The following SOS1 variants were observed in gnomAD, a reference collection of about 807,000 sequenced individuals.
SOS1 encodes the protein SOS Ras/Rac guanine nucleotide exchange factor 1.
In SOS1, 25 loss-of-function variants were observed where a neutral mutation model predicts 157.6. The observed-to-expected ratio is 0.16, with a 90% CI of 0.12 to 0.22. The LOEUF (loss-of-function observed/expected upper bound fraction) is 0.22, where lower values mean the gene tolerates loss of function less well. SOS1 is among the 10% of genes least tolerant of loss of function. The pLI, the probability that SOS1 is intolerant of heterozygous loss-of-function variation, is 1.00. For synonymous variants in SOS1, 528 were observed against 534.0 expected, an observed-to-expected ratio of 0.99 and a Z score of 0.16; for missense variants, 1,237 against 1,599.1, an observed-to-expected ratio of 0.77 and a Z score of 3.86.
At chr2:39,098,318 T>G in intron 1 of SOS1, 2 of 254,110 alleles carry the variant, frequency 7.9e-6, no homozygotes. Flanking sequence ...CATCTACTGT[T>G]GCTTACAATA....
chr2:39,092,776 G>C (rs1026533108), intron 1 of SOS1, among the ~76,000 whole-genome samples: 18 of 152,146 alleles, frequency 1.2e-4, no homozygotes, highest in African/African-American at 4.3e-4. Flanking sequence ...CTGAAAGCGT[G>C]ATATGAAATA....
chr2:39,055,669 T>TGG (rs1239513725), intron 4 of SOS1, among the ~76,000 whole-genome samples: 1 of 152,156 alleles, frequency 6.6e-6, no homozygotes, highest in East Asian at 1.9e-4. Flanking sequence ...CAATCAGAAA[T>TGG]AATATTCCAA....
intron 1 of SOS1, among the ~76,000 whole-genome samples, chr2:39,103,778 G>GA (rs1363921872): frequency 6.6e-6 from 1 of 152,052 alleles, no homozygotes. Context: ...GACAATGAAA[G>GA]AAAAAACAGA....
intron 4 of SOS1, among the ~76,000 whole-genome samples, chr2:39,055,194 G>A (rs1671169518): frequency 6.6e-6 from 1 of 152,066 alleles, no homozygotes; most frequent in African/African-American, 2.4e-5. Context: ...ATATTTAAAT[G>A]TTTATAGCTG....
chr2:39,029,987 C>T (rs1009490351), intron 8 of SOS1, among the ~76,000 whole-genome samples: 4 of 150,512 alleles, frequency 2.7e-5, no homozygotes, highest in Middle Eastern at 3.5e-3. Context: ...GGCAACAGAG[C>T]GACGTCTCAT....
chr2:39,115,723 C>G (rs986595989), intron 1 of SOS1, among the ~76,000 whole-genome samples: 2 of 152,178 alleles, frequency 1.3e-5, no homozygotes, highest in Non-Finnish European at 2.9e-5. Context: ...CAGGTGTGAG[C>G]CACCACACCC....
chr2:39,122,089 C>T (rs566465024), upstream of SOS1, among the ~76,000 whole-genome samples: 29 of 152,162 alleles, frequency 1.9e-4, no homozygotes, highest in Admixed American at 4.6e-4. Context: ...CTTTACAGGA[C>T]CTCTTTGAAA....
intron 1 of SOS1, among the ~76,000 whole-genome samples, chr2:39,103,664 T>TA (rs1489968885): frequency 1.3e-5 from 2 of 152,096 alleles, no homozygotes; most frequent in African/African-American, 4.8e-5. Flanking sequence ...ATGACCTAAA[T>TA]ATAAGAGCTA....
intron 1 of SOS1, among the ~76,000 whole-genome samples, chr2:39,103,622 A>G (rs564683760): frequency 4.6e-5 from 7 of 152,322 alleles, no homozygotes; most frequent in African/African-American, 1.7e-4. Flanking sequence ...CCTAACTCAT[A>G]CCAAACACAA....
chr2:39,043,738 CT>C (rs1670656597), intron 6 of SOS1, among the ~76,000 whole-genome samples: 1 of 152,152 alleles, frequency 6.6e-6, no homozygotes, highest in Non-Finnish European at 1.5e-5. Flanking sequence ...AGGTCTCTTT[CT>C]CTTTTTATAA....
At chr2:39,000,796 A>C (rs1669069193) in intron 17 of SOS1, among the ~76,000 whole-genome samples, 1 of 152,250 alleles carries the variant, frequency 6.6e-6, no homozygotes, top group Non-Finnish European at 1.5e-5. Context: ...TGGGCATAAC[A>C]CATAGAGGCA....
At chr2:39,021,888 A>G (rs1669809374) in intron 10 of SOS1, among the ~76,000 whole-genome samples, 1 of 151,836 alleles carries the variant, frequency 6.6e-6, no homozygotes, top group South Asian at 2.1e-4. Flanking sequence ...TCGGCAGGTC[A>G]TACTACCGAA....
At chr2:39,124,744 G>A (rs1674014321), upstream of SOS1, among the ~76,000 whole-genome samples, 1 of 152,200 alleles carries the variant, frequency 6.6e-6, no homozygotes, top group Admixed American at 6.5e-5. Flanking sequence ...TTGCACAATC[G>A]GACCGCTACT....
chr2:39,091,066 A>C (rs2148187859), intron 1 of SOS1, among the ~76,000 whole-genome samples: 1 of 152,222 alleles, frequency 6.6e-6, no homozygotes, highest in Non-Finnish European at 1.5e-5. Flanking sequence ...ACGGGGTTTC[A>C]CCATATTGGT....
At chr2:39,063,919 A>G (rs566771322) in intron 2 of SOS1, among the ~76,000 whole-genome samples, 1 of 152,094 alleles carries the variant, frequency 6.6e-6, no homozygotes, top group African/African-American at 2.4e-5. Flanking sequence ...TGCAACCTCA[A>G]CCTCCTGGGC....
intron 8 of SOS1, among the ~76,000 whole-genome samples, chr2:39,033,262 T>C (rs1178406552): frequency 6.8e-6 from 1 of 147,582 alleles, no homozygotes; most frequent in East Asian, 2.0e-4. Flanking sequence ...TGTGGACTAA[T>C]TAGACAAAAT....
intron 1 of SOS1, among the ~76,000 whole-genome samples, chr2:39,093,011 C>CTTT (rs1225660253): frequency 3.3e-5 from 5 of 152,168 alleles, no homozygotes; most frequent in African/African-American, 7.2e-5. Flanking sequence ...AACTGTGACT[C>CTTT]TTAAAAAGCC....
Position 39,024,033 on chromosome 2 carries a change from T to G in SOS1, c.1179A>C (p.Lys393Asn). The change falls in exon 9 of 23, where the codon AAA (lysine) becomes AAC (asparagine). Residue 393 changes from lysine (K) to asparagine (N), a missense_variant. Lys to Asn is a moderately conservative substitution (Grantham distance 94, BLOSUM62 0). Coordinates refer to ENST00000402219, the MANE Select transcript of SOS1 (RefSeq NM_005633.4). ...VQSGMEKICS[K>N]SLAKRRLSES... ...ACCTCAGTCTTCGTTTTGCAAGACT[T>G]TTAGAACATATTTTTTCCATACCAC... The G allele has an allele frequency of 6.2e-7, 1 of 1,602,612 alleles. No individual in the cohort carries two copies. The highest frequency in any genetic ancestry group is 8.5e-7 in the Non-Finnish European group (1 of 1,169,840).
intron 17 of SOS1, among the ~76,000 whole-genome samples, chr2:39,005,424 G>A (rs1055985217): frequency 2.0e-5 from 3 of 151,968 alleles, no homozygotes; most frequent in Non-Finnish European, 4.4e-5. Context: ...CCAATCACAG[G>A]GTAATGGTTA....
Sources: allele counts gnomAD v4.1 joint callset (sites outside exome capture counted in the v4.1 genomes callset), GRCh38; gene constraint gnomAD v4.1.1; transcripts MANE v1.5; gene names NCBI Gene and HGNC (gene_info 2026-07-23, HGNC 2026-07-21).